DDX6: variants seen among roughly 807,000 people sequenced by gnomAD.
DDX6 encodes the protein probable ATP-dependent RNA helicase DDX6.
A neutral mutation model predicts 60.6 loss-of-function variants in DDX6; 7 were observed. The ratio of observed to expected loss-of-function variants is 0.12; its 90% CI spans 0.07 to 0.22. DDX6 has a LOEUF of 0.22. Ranked by LOEUF, DDX6 falls within the 10% of genes least tolerant of loss-of-function variation. The probability of loss-of-function intolerance (pLI) is 1.00; values close to 1 mark genes in which losing one functional copy is unlikely to be tolerated. For synonymous variants in DDX6, 207 were observed against 201.0 expected (o/e 1.03, Z -0.25); for missense variants, 270 against 589.9 (o/e 0.46, Z 5.62).
chr11:118,768,273 T>C lies in DDX6; in HGVS notation c.449A>G (p.Tyr150Cys). The change falls in exon 5 of 14, where the codon TAC becomes TGC. Residue 150 changes from tyrosine to cysteine, a missense_variant. Coordinates refer to ENST00000534980, the MANE Select transcript of DDX6 (RefSeq NM_004397.6). ...TAGCCGTTCAAGTAAGGGAATGAGG[T>C]AGGCACCGCTCTTGCCTGTTCCATT... ...AKNGTGKSGA[Y>C]LIPLLERLDL... 6.2e-7 allele frequency: 1 copy of C among 1,613,722 alleles called. No homozygotes were observed. The highest frequency in any genetic ancestry group is 8.5e-7 in the Non-Finnish European group (1 of 1,179,812).
Position 118,781,177 on chromosome 11 carries a change from C to T in DDX6, c.208G>A (p.Asp70Asn). 2 of 1,601,688 alleles carry T rather than the reference C, an allele frequency of 1.2e-6. No homozygotes were observed. Among genetic ancestry groups the T allele is most frequent in the Non-Finnish European group, 1.7e-6 (2 of 1,171,994 alleles). The change falls in exon 3 of 14, where the codon GAT (aspartate) becomes AAT (asparagine). Residue 70 changes from aspartate to asparagine, a missense_variant. By Grantham distance (23) the Asp-to-Asn change is conservative. This residue lies in a region of DDX6 where 102 missense variants were observed against 110.5 expected (regional missense o/e 0.92). Transcript: ENST00000534980. ...AGTTTTAAAGTCTTTTTCCAGTCAT[C>T]ACCAGGTCTAGAGAGAATACAGTAA... Reference protein sequence around the residue: ...QSMTTTIKPGDDWKKTLKLPP... With the variant: ...QSMTTTIKPGNDWKKTLKLPP...
At chr11:118,780,962 G>T (rs1313883572) in intron 3 of DDX6, among the ~76,000 whole-genome samples, 159 bp downstream of exon 3, 6 of 152,154 alleles carry the variant, frequency 3.9e-5, no homozygotes, top group Non-Finnish European at 8.8e-5. Flanking sequence ...TCCACAAAAT[G>T]GGAATATATA....
chr11:118,771,328 T>G (rs1266451496), intron 4 of DDX6, among the ~76,000 whole-genome samples: 1 of 152,198 alleles, frequency 6.6e-6, no homozygotes, highest in African/African-American at 2.4e-5. Context: ...TTGACTGACT[T>G]GATTAAGGCC....
Position 118,786,199 on chromosome 11 carries a change from T to C in DDX6, c.53A>G (p.Asn18Ser). Residue 18 changes from asparagine (N) to serine (S), a missense_variant, in exon 2 of 14, where the codon AAT becomes AGT. This residue lies in a region of DDX6 where 102 missense variants were observed against 110.5 expected (regional missense o/e 0.92). Coordinates refer to ENST00000534980, the MANE Select transcript of DDX6 (RefSeq NM_004397.6). Reference sequence around the variant, plus strand: ...TTTCACAGGGCCTCTCAGCTGACCATTTTGACTGGACAGACCCATTATAAC... The same window carrying C: ...TTTCACAGGGCCTCTCAGCTGACCACTTTGACTGGACAGACCCATTATAAC... Reference protein sequence around the residue: ...NPVIMGLSSQNGQLRGPVKPT... With the variant: ...NPVIMGLSSQSGQLRGPVKPT... 6.2e-7 allele frequency: 1 copy of C among 1,613,918 alleles called. No individual in the cohort carries two copies. Among genetic ancestry groups the C allele is most frequent in the South Asian group, 1.1e-5 (1 of 91,070 alleles).
upstream of DDX6, chr11:118,791,209 C>G (rs1032902597): frequency 6.6e-6 from 1 of 152,304 alleles, no homozygotes; most frequent in Non-Finnish European, 1.5e-5. Context: ...CGCCTCCTCC[C>G]TCTTTCCCTG....
intron 4 of DDX6, among the ~76,000 whole-genome samples, chr11:118,773,307 C>T (rs1243666677): frequency 6.6e-6 from 1 of 152,182 alleles, no homozygotes; most frequent in Non-Finnish European, 1.5e-5. Context: ...CGGTGGCTCA[C>T]GCCTGTAATC....
intron 7 of DDX6, among the ~76,000 whole-genome samples, chr11:118,761,386 G>A (rs1861160515): frequency 1.3e-5 from 2 of 152,220 alleles, no homozygotes; most frequent in African/African-American, 4.8e-5. Context: ...GGAGGCTTAG[G>A]TGGGCAGATC....
chr11:118,771,843 T>G (rs1382136778), intron 4 of DDX6, among the ~76,000 whole-genome samples: 1 of 152,202 alleles, frequency 6.6e-6, no homozygotes, highest in African/African-American at 2.4e-5. Context: ...ACACTGCTAG[T>G]GGGAATGTAC....
chr11:118,763,838 TAAAAA>T (rs58341763), intron 6 of DDX6, among the ~76,000 whole-genome samples: 4 of 134,374 alleles, frequency 3.0e-5, no homozygotes, highest in Non-Finnish European at 4.7e-5. Context: ...TGTCTCAAAT[TAAAAA>T]AAAAAAAAAA....
chr11:118,757,555 G>A (rs1861019299), intron 9 of DDX6, among the ~76,000 whole-genome samples: 1 of 151,932 alleles, frequency 6.6e-6, no homozygotes, highest in Non-Finnish European at 1.5e-5. Context: ...ATTCAAAGTA[G>A]TTATGTTTTA....
intron 10 of DDX6, 27 bp from the exon 11 acceptor site, chr11:118,756,350 G>C: frequency 6.3e-7 from 1 of 1,575,526 alleles, no homozygotes; most frequent in East Asian, 2.2e-5. Flanking sequence ...TATTCCATTT[G>C]ATTAACACTC....
chr11:118,780,465 C>G (rs536149369), intron 3 of DDX6, among the ~76,000 whole-genome samples: 1 of 152,078 alleles, frequency 6.6e-6, no homozygotes, highest in Non-Finnish European at 1.5e-5. Context: ...TACAGGCGCA[C>G]GCCACCACAC....
At chr11:118,759,427 C>T (rs1459290923) in intron 8 of DDX6, 1 of 153,710 alleles carries the variant, frequency 6.5e-6, no homozygotes, top group African/African-American at 2.4e-5. Flanking sequence ...GTATTCCTTA[C>T]CCAAAATGCT....
chr11:118,777,897 G>GAAA (rs374046858), intron 4 of DDX6, among the ~76,000 whole-genome samples: 2,802 of 99,516 alleles, frequency 0.028, 106 homozygotes, highest in African/African-American at 0.079. Context: ...TCAAAAAAGA[G>GAAA]AAAAAAAAAA....
chr11:118,765,170 A>T (rs1555161045), intron 6 of DDX6, 39 bp downstream of exon 6: 2 of 1,594,460 alleles, frequency 1.3e-6, no homozygotes, highest in South Asian at 2.3e-5. Context: ...TGACTAAAAT[A>T]ACAGAGAGCT....
At chr11:118,756,106 G>C (rs1476319338) in intron 11 of DDX6, among the ~76,000 whole-genome samples, 154 bp downstream of exon 11, 1 of 146,844 alleles carries the variant, frequency 6.8e-6, no homozygotes, top group Non-Finnish European at 1.5e-5. Flanking sequence ...AGTATCAGGA[G>C]CTGACAAGAG....
chr11:118,781,983 CAAGCG>C (rs1861914195), intron 2 of DDX6, among the ~76,000 whole-genome samples: 1 of 149,490 alleles, frequency 6.7e-6, no homozygotes, highest in African/African-American at 2.5e-5. Flanking sequence ...GAGGCCAAGG[CAAGCG>C]GATCACCTGA....
At chr11:118,753,079 A>G (rs1555157820) in intron 13 of DDX6, among the ~76,000 whole-genome samples, 12 of 152,186 alleles carry the variant, frequency 7.9e-5, no homozygotes, top group Non-Finnish European at 1.5e-5. Flanking sequence ...CCCAGGCTCG[A>G]GTGCAATGGC....
intron 9 of DDX6, 71 bp downstream of exon 9, chr11:118,758,703 A>C: frequency 6.4e-7 from 1 of 1,569,784 alleles, no homozygotes; most frequent in Admixed American, 1.8e-5. Context: ...AGACGGTGGG[A>C]AAATTGATGA....
Sources: allele counts gnomAD v4.1 joint callset (sites outside exome capture counted in the v4.1 genomes callset), GRCh38; gene constraint gnomAD v4.1.1; regional missense constraint gnomAD v4.1.1; transcripts MANE v1.5; gene names NCBI Gene and HGNC (gene_info 2026-07-23, HGNC 2026-07-21).